PCNT: variants seen among roughly 807,000 people sequenced by gnomAD.
PCNT encodes the protein kendrin.
PCNT carries 319 observed loss-of-function variants against 380.4 expected under a neutral mutation model. The ratio of observed to expected loss-of-function variants is 0.84; its 90% CI spans 0.77 to 0.92. The LOEUF (loss-of-function observed/expected upper bound fraction) is 0.92, where lower values mean the gene tolerates loss of function less well. Ranked by LOEUF, PCNT falls within the 40% of genes least tolerant of loss-of-function variation. PCNT has a pLI of 0.00. For missense variants in PCNT, 4,400 were observed against 4,255.3 expected, an observed-to-expected ratio of 1.03 and a Z score of -0.95; for synonymous variants, 1,845 against 1,735.2, an observed-to-expected ratio of 1.06 and a Z score of -1.57.
At chr21:46,335,275 G>T (rs1026088695) in intron 3 of PCNT, among the ~76,000 whole-genome samples, 2 of 152,178 alleles carry the variant, frequency 1.3e-5, no homozygotes, top group African/African-American at 4.8e-5. Flanking sequence ...TTTCTGCCAC[G>T]TTCCTGGTGG....
chr21:46,420,982 T>G (rs2087225917), intron 31 of PCNT: 1 of 152,216 alleles, frequency 6.6e-6, no homozygotes, highest in Non-Finnish European at 1.5e-5. Flanking sequence ...TTTTGAGGGG[T>G]ACAGGCAGCA....
intron 38 of PCNT, among the ~76,000 whole-genome samples, chr21:46,434,351 G>A (rs922416780): frequency 5.9e-5 from 9 of 152,192 alleles, no homozygotes; most frequent in East Asian, 1.9e-4. Flanking sequence ...TGGCAGGGGC[G>A]CTGGTGCCAC....
chr21:46,420,397 C>G (rs1185181707), intron 31 of PCNT, among the ~76,000 whole-genome samples: 1 of 152,160 alleles, frequency 6.6e-6, no homozygotes, highest in Non-Finnish European at 1.5e-5. Context: ...GCTGAGTGTT[C>G]TGTTTCTGTG....
At position 46,430,616 on chromosome 21, in the gene PCNT, C is replaced by T. The variant is rs771547665; in HGVS notation, c.8023C>T (p.Arg2675Trp). 1.7e-5 allele frequency: 26 copies of T among 1,569,676 alleles called. No homozygotes were observed. The highest frequency in any genetic ancestry group is 2.3e-4 in the Middle Eastern group (1 of 4,444). ...GAGCCAGCTGGAGGAGGAGCAGCTG[C>T]GGCACCTGCAGAGGGAGAGCCAGAG... ...LQSQLEEEQL[R>W]HLQRESQSAK... Residue 2675 changes from arginine (R) to tryptophan (W), a missense_variant, in exon 37 of 47, where the codon CGG (arginine) becomes TGG (tryptophan). By Grantham distance (101) the Arg-to-Trp change is moderately radical (BLOSUM62 -3). Transcript: ENST00000359568.
At chr21:46,324,921 C>G (rs1403389179) in intron 1 of PCNT, 1 of 985,340 alleles carries the variant, frequency 1.0e-6, no homozygotes, top group African/African-American at 1.7e-5. Context: ...AAGGCCCCCG[C>G]GGCGCTCCCG....
intron 3 of PCNT, among the ~76,000 whole-genome samples, chr21:46,341,171 C>T (rs945676488): frequency 6.6e-6 from 1 of 152,208 alleles, no homozygotes; most frequent in Non-Finnish European, 1.5e-5. Context: ...GCATGAGTCA[C>T]CGCGCCTGGC....
chr21:46,415,509 C>T (rs953244517), intron 29 of PCNT, among the ~76,000 whole-genome samples: 1 of 151,600 alleles, frequency 6.6e-6, no homozygotes, highest in Non-Finnish European at 1.5e-5. Flanking sequence ...CTCAGCCTCC[C>T]GAGTAGCTAG....
At chr21:46,329,475 A>T (rs897605538) in intron 2 of PCNT, among the ~76,000 whole-genome samples, 6 of 152,058 alleles carry the variant, frequency 3.9e-5, no homozygotes, top group African/African-American at 9.7e-5. Context: ...CTTATATAAC[A>T]TTTTTTTTCA....
intron 15 of PCNT, among the ~76,000 whole-genome samples, chr21:46,374,372 G>T (rs940893001): frequency 6.6e-6 from 1 of 152,126 alleles, no homozygotes; most frequent in Non-Finnish European, 1.5e-5. Flanking sequence ...CCCAGCCCAC[G>T]TGCCAGTCTC....
chr21:46,349,261 G>A (rs1264102593), intron 7 of PCNT, 75 bp downstream of exon 7: 13 of 1,163,056 alleles, frequency 1.1e-5, no homozygotes, highest in Non-Finnish European at 1.6e-5. Flanking sequence ...TGTCGTTCAT[G>A]TCACCATGCG....
At chr21:46,413,724 G>A (rs1310743836) in intron 29 of PCNT, among the ~76,000 whole-genome samples, 2 of 152,288 alleles carry the variant, frequency 1.3e-5, no homozygotes, top group East Asian at 3.9e-4. Flanking sequence ...ACTTTGAAAG[G>A]CCTCAGATTT....
chr21:46,417,137 G>A (rs1476423473), intron 30 of PCNT, among the ~76,000 whole-genome samples: 1 of 149,278 alleles, frequency 6.7e-6, no homozygotes, highest in South Asian at 2.1e-4. Context: ...TGGGCATAGG[G>A]TTCTTTGTCC....
At chr21:46,412,098 ATTT>A in intron 28 of PCNT, 31 bp downstream of exon 28, 1 of 1,579,388 alleles carries the variant, frequency 6.3e-7, no homozygotes. Context: ...ATGGCAGGGT[ATTT>A]TTTTTTACTC....
At chr21:46,409,950 G>A (rs1453956381) in intron 27 of PCNT, among the ~76,000 whole-genome samples, 1 of 152,232 alleles carries the variant, frequency 6.6e-6, no homozygotes, top group Non-Finnish European at 1.5e-5. Context: ...TTCGTATGCT[G>A]GCTCCAGTAT....
At chr21:46,385,579 A>G (rs2085801264) in intron 16 of PCNT, among the ~76,000 whole-genome samples, 1 of 152,144 alleles carries the variant, frequency 6.6e-6, no homozygotes. Context: ...CACCTCGTTC[A>G]CCTTTGCCGT....
chr21:46,373,379 C>T (rs926101233), intron 15 of PCNT, among the ~76,000 whole-genome samples: 18 of 150,750 alleles, frequency 1.2e-4, no homozygotes, highest in African/African-American at 3.9e-4. Context: ...TACAGGTTTG[C>T]GCGAGTAAGT....
intron 38 of PCNT, among the ~76,000 whole-genome samples, chr21:46,432,771 C>T (rs1173946038): frequency 6.6e-6 from 1 of 152,106 alleles, no homozygotes; most frequent in Non-Finnish European, 1.5e-5. Context: ...ACTGCAGGCA[C>T]ATGCCACCAC....
rs2087275205 is a variant in PCNT at position 46,422,048 on chromosome 21, C to G, written c.7103C>G (p.Pro2368Arg). ...GCTCAAACTGCTGGTCCTGTGACCC[C>G]TGCTTCCATCTCTGGAAGGTTTCAG... The part of the protein sequence containing the change: ...PEAQTAGPVT[P>R]ASISGRFQPL... The change falls in exon 32 of 47, where the codon CCT (proline) becomes CGT (arginine). Residue 2368 changes from proline to arginine, a missense_variant. Transcript: ENST00000359568. 2 of 1,614,018 alleles carry G rather than the reference C, an allele frequency of 1.2e-6. No individual in the cohort carries two copies. Among genetic ancestry groups the G allele is most frequent in the Non-Finnish European group, 1.7e-6 (2 of 1,180,000 alleles).
At position 46,412,985 on chromosome 21, in the gene PCNT, G is replaced by A. The variant is rs375301097; in HGVS notation, c.6143G>A (p.Gly2048Asp). 1 of 1,608,196 alleles carries A rather than the reference G, an allele frequency of 6.2e-7. No homozygotes were observed. The highest frequency in any genetic ancestry group is 1.3e-5 in the African/African-American group (1 of 74,952). Residue 2048 changes from glycine (G) to aspartate (D), a missense_variant, in exon 29 of 47, where the codon GGC becomes GAC. Physicochemically the swap from Gly to Asp is moderately conservative, Grantham distance 94 (BLOSUM62 -1). Coordinates refer to ENST00000359568, the MANE Select transcript of PCNT (RefSeq NM_006031.6). Reference protein sequence around the residue: ...KNEMRLSLEDGGKGKEKVLED... With the variant: ...KNEMRLSLEDDGKGKEKVLED... ...GAAATGCGCCTGAGTCTGGAGGACG[G>A]CGGCAAGGTGTGGGGAGGGGGGAAG...
Sources: allele counts gnomAD v4.1 joint callset (sites outside exome capture counted in the v4.1 genomes callset), GRCh38; gene constraint gnomAD v4.1.1; transcripts MANE v1.5; gene names NCBI Gene and HGNC (gene_info 2026-07-23, HGNC 2026-07-21).